The following PTDSS2 variants were observed in gnomAD, a reference collection of about 807,000 sequenced individuals.
The protein encoded by PTDSS2 is PSS-2.
In PTDSS2, 41 loss-of-function variants were observed where a neutral mutation model predicts 64.7. The observed-to-expected ratio is 0.63, with a 90% CI of 0.49 to 0.82. PTDSS2 has a LOEUF of 0.82. Among genes scored for constraint, PTDSS2 ranks in the 40% least tolerant of loss-of-function variants. The probability of loss-of-function intolerance (pLI) is 0.00; values close to 1 mark genes in which losing one functional copy is unlikely to be tolerated. For missense variants in PTDSS2, 485 were observed against 650.0 expected (o/e 0.75, Z 2.76); for synonymous variants, 297 against 277.8 (o/e 1.07, Z -0.69).
intron 2 of PTDSS2, among the ~76,000 whole-genome samples, chr11:472,103 G>C (rs1261133001): frequency 6.6e-6 from 1 of 150,752 alleles, no homozygotes; most frequent in Non-Finnish European, 1.5e-5. Context: ...TGGTAGCCTG[G>C]GGTGACGCGG....
Position 479,638 on chromosome 11 carries a change from C to T in PTDSS2, c.435+486C>T, listed in dbSNP as rs993038928. 1.6e-4 allele frequency among the ~76,000 whole-genome samples: 24 copies of T among 152,190 alleles called. No individual in the cohort carries two copies. The highest frequency in any genetic ancestry group is 5.1e-4 in the African/African-American group (21 of 41,442). On this transcript the variant is annotated intron_variant, in intron 4 of 11. Transcript: ENST00000308020. This position sits in a 1 kb window ranked among gnomAD's most constrained non-coding sequence, Gnocchi z 4.2. ...ATCTGGGCCTCAGAGGGGACCCCAG[C>T]GCCAAGAGGGACGGGGTCTTTGTTT... is the stretch of plus-strand genomic sequence containing the variant.
intron 11 of PTDSS2, 90 bp downstream of exon 11, chr11:490,158 G>C: frequency 1.4e-6 from 2 of 1,380,066 alleles, no homozygotes; most frequent in Non-Finnish European, 2.0e-6. Context: ...TGTCGTTGGT[G>C]TCTCACTGTC....
intron 1 of PTDSS2, chr11:451,349 CA>C (rs1846318883): frequency 5.4e-5 from 24 of 442,244 alleles, no homozygotes; most frequent in Admixed American, 2.9e-4. Context: ...ACTCTGTGTC[CA>C]GACAGGCTCC....
intron 1 of PTDSS2, chr11:459,765 TG>T (rs1846786317): frequency 5.4e-6 from 1 of 186,902 alleles, no homozygotes; most frequent in Admixed American, 5.6e-5. Context: ...CAGCTCTTGG[TG>T]TCTTGGGCTG....
intron 4 of PTDSS2, among the ~76,000 whole-genome samples, chr11:481,222 G>A (rs1183811877): frequency 6.6e-6 from 1 of 152,192 alleles, no homozygotes; most frequent in African/African-American, 2.4e-5. Flanking sequence ...TGAGCTGGAC[G>A]GTTTCGAGGA....
chr11:471,069 A>G (rs1250074049), intron 2 of PTDSS2, among the ~76,000 whole-genome samples: 3 of 151,618 alleles, frequency 2.0e-5, no homozygotes, highest in Admixed American at 2.0e-4. Flanking sequence ...ACCCAACGGG[A>G]CACACCTTCT....
chr11:464,826 A>G (rs937956594), intron 2 of PTDSS2, among the ~76,000 whole-genome samples: 3 of 152,366 alleles, frequency 2.0e-5, no homozygotes, highest in South Asian at 4.1e-4. Context: ...TGTAACATAT[A>G]TAAATGTAAT....
intron 4 of PTDSS2, among the ~76,000 whole-genome samples, chr11:484,202 G>C (rs1848195942): frequency 6.6e-6 from 1 of 152,164 alleles, no homozygotes; most frequent in Non-Finnish European, 1.5e-5. Flanking sequence ...TTGCCAAAAG[G>C]AATTTCCACG....
intron 2 of PTDSS2, 31 bp from the exon 3 acceptor site, chr11:473,864 C>A (rs1375450497): frequency 1.3e-6 from 2 of 1,547,336 alleles, no homozygotes; most frequent in South Asian, 2.2e-5. Context: ...AGCCTGCACA[C>A]ACTGAGGGGC....
At position 479,708 on chromosome 11, in the gene PTDSS2, C is replaced by T. The variant is rs1163970160; in HGVS notation, c.435+556C>T. ...AGTGTGACTGTGTGTGCTTCTTCCC[C>T]ATCCTGACCACATTCTGCAAGACGA... On this transcript the variant is annotated intron_variant, in intron 4 of 11. Transcript: ENST00000308020. The surrounding 1 kb of genome is among the most constrained non-coding windows in gnomAD (Gnocchi z 4.2). 1.3e-5 allele frequency among the ~76,000 whole-genome samples: 2 copies of T among 149,546 alleles called. No homozygotes were observed. The highest frequency in any genetic ancestry group is 3.0e-5 in the Non-Finnish European group (2 of 67,446).
chr11:481,683 G>A (rs998561563), intron 4 of PTDSS2, among the ~76,000 whole-genome samples: 5 of 152,112 alleles, frequency 3.3e-5, no homozygotes, highest in Admixed American at 6.6e-5. Context: ...TCATTTTTGT[G>A]TACTGATCTT....
chr11:473,319 C>T (rs1240394435), intron 2 of PTDSS2, among the ~76,000 whole-genome samples: 2 of 152,242 alleles, frequency 1.3e-5, no homozygotes, highest in African/African-American at 4.8e-5. Flanking sequence ...TGAGTTGACA[C>T]CAAAAAGACA....
rs1846255360 is a variant in PTDSS2, at chr11:450,334, G to A, written c.-122G>A. 1.1e-6 allele frequency: 1 copy of A among 883,380 alleles called. No individual in the cohort carries two copies. The highest frequency in any genetic ancestry group is 5.9e-5 in the South Asian group (1 of 16,856). 54.7% of individuals were successfully genotyped at this position (883,380 alleles called of 1,614,324 possible). A position where few individuals can be genotyped will look rare whatever the true frequency, so the allele number is the denominator to read the frequency against. ...CCCCGCGCTGCTCTCCTAAGACCCCGCGGGCCAGCGCCGCGACCCCTTCCC... is the reference window on the plus strand; with the variant it reads ...CCCCGCGCTGCTCTCCTAAGACCCCACGGGCCAGCGCCGCGACCCCTTCCC... On this transcript the variant is annotated 5_prime_UTR_variant, in exon 1 of 12. Transcript: ENST00000308020.
At chr11:448,519 T>C (rs948225914), upstream of PTDSS2, 1 of 152,272 alleles carries the variant, frequency 6.6e-6, no homozygotes, top group Non-Finnish European at 1.5e-5. Flanking sequence ...AAAGATGGCA[T>C]GGACGGGAGC....
chr11:490,169 C>T, intron 11 of PTDSS2, 101 bp downstream of exon 11: 1 of 1,327,480 alleles, frequency 7.5e-7, no homozygotes, highest in Non-Finnish European at 1.0e-6. Context: ...TCTCACTGTC[C>T]CTGCTTCAAC....
chr11:485,329 AC>A (rs199831749), intron 4 of PTDSS2, among the ~76,000 whole-genome samples: 1,865 of 125,124 alleles, frequency 0.015, 19 homozygotes, highest in Non-Finnish European at 0.022. Flanking sequence ...GTGTAAGTGC[AC>A]GAGCGCGTGT....
At chr11:457,679 ATAC>A in intron 1 of PTDSS2, among the ~76,000 whole-genome samples, 1 of 152,214 alleles carries the variant, frequency 6.6e-6, no homozygotes, top group Admixed American at 6.5e-5. Flanking sequence ...TTAGGTTATT[ATAC>A]CTGAAACATC....
chr11:487,098 G>T, intron 5 of PTDSS2, 25 bp downstream of exon 5: 1 of 1,603,736 alleles, frequency 6.2e-7, no homozygotes, highest in Non-Finnish European at 8.5e-7. Flanking sequence ...GCCCTGAGGC[G>T]AGCCCCTCCC....
intron 1 of PTDSS2, chr11:451,598 G>A: frequency 3.9e-6 from 1 of 257,080 alleles, no homozygotes; most frequent in South Asian, 3.2e-5. Context: ...GCCAGCAGTG[G>A]AAGGAAGGCT....
Sources: allele counts gnomAD v4.1 joint callset (sites outside exome capture counted in the v4.1 genomes callset), GRCh38; gene constraint gnomAD v4.1.1; non-coding constraint Gnocchi (gnomAD v3.1); transcripts MANE v1.5; gene names NCBI Gene and HGNC (gene_info 2026-07-23, HGNC 2026-07-21).